SNAP25: variants seen among roughly 807,000 people sequenced by gnomAD.
SNAP25 encodes the protein synaptosomal-associated protein 25.
SNAP25 carries 3 observed loss-of-function variants against 28.7 expected under a neutral mutation model. The ratio of observed to expected loss-of-function variants is 0.10; its 90% CI spans 0.05 to 0.27. The LOEUF is 0.27. SNAP25 is among the 10% of genes least tolerant of loss of function. The pLI, the probability that SNAP25 is intolerant of heterozygous loss-of-function variation, is 1.00. For missense variants in SNAP25, 117 were observed against 278.7 expected (o/e 0.42, Z 4.13); for synonymous variants, 61 against 88.1 (o/e 0.69, Z 1.72).
intron 1 of SNAP25, among the ~76,000 whole-genome samples, chr20:10,237,374 TG>T (rs1364503617): frequency 6.6e-6 from 1 of 152,174 alleles, no homozygotes; most frequent in East Asian, 1.9e-4. Context: ...CACCTCAGAT[TG>T]GAGAAAATCC....
chr20:10,239,447 A>G (rs561907197), intron 1 of SNAP25, among the ~76,000 whole-genome samples: 5 of 152,360 alleles, frequency 3.3e-5, no homozygotes, highest in African/African-American at 4.8e-5. Flanking sequence ...TTGGAACACA[A>G]TTGAATTCTT....
intron 1 of SNAP25, among the ~76,000 whole-genome samples, chr20:10,233,856 T>C (rs2062870144): frequency 6.6e-6 from 1 of 152,198 alleles, no homozygotes; most frequent in Non-Finnish European, 1.5e-5. Context: ...TAGCTTTTTG[T>C]GTATTATTGA....
chr20:10,267,932 T>A (rs1181373943), intron 1 of SNAP25, among the ~76,000 whole-genome samples: 2 of 152,232 alleles, frequency 1.3e-5, no homozygotes, highest in Non-Finnish European at 2.9e-5. Flanking sequence ...ATATGTTTTT[T>A]AAATCACCCA....
intron 1 of SNAP25, among the ~76,000 whole-genome samples, chr20:10,229,319 A>G (rs769706899): frequency 2.6e-5 from 4 of 151,992 alleles, no homozygotes; most frequent in East Asian, 3.9e-4. Flanking sequence ...GTGTTTTTGT[A>G]TGTGCACACA....
intron 1 of SNAP25, among the ~76,000 whole-genome samples, chr20:10,240,965 T>G (rs1241464762): frequency 6.6e-6 from 1 of 152,088 alleles, no homozygotes; most frequent in Non-Finnish European, 1.5e-5. Context: ...GTCCCTGACA[T>G]GAGCTGGAGA....
intron 1 of SNAP25, among the ~76,000 whole-genome samples, chr20:10,238,527 GGGAAT>G: frequency 6.6e-6 from 1 of 152,256 alleles, no homozygotes; most frequent in Non-Finnish European, 1.5e-5. Context: ...AAAATATAAG[GGGAAT>G]GGATGGGTGC....
At chr20:10,266,987 A>T (rs898250699) in intron 1 of SNAP25, among the ~76,000 whole-genome samples, 1 of 152,198 alleles carries the variant, frequency 6.6e-6, no homozygotes, top group Non-Finnish European at 1.5e-5. Flanking sequence ...AAATATTCAC[A>T]GCCATTGGCC....
chr20:10,303,415 T>C (rs1330530273), intron 7 of SNAP25, among the ~76,000 whole-genome samples: 8 of 152,210 alleles, frequency 5.3e-5, no homozygotes, highest in South Asian at 2.1e-4. Context: ...TTCAAAGTTA[T>C]GATTAATCTG....
chr20:10,306,436 G>T lies in SNAP25; in HGVS notation c.*239G>T, dbSNP rs3746544. The T allele has an allele frequency of 0.67, 260,581 of 389,872 alleles. 87,521 individuals are homozygous for T. Among genetic ancestry groups the T allele is most frequent in the East Asian group, 0.74 (18,996 of 25,590 alleles). The allele number at this position is 389,872 out of a possible 1,614,324, so 24.2% of individuals were successfully genotyped here. A position where few individuals can be genotyped will look rare whatever the true frequency, so the allele number is the denominator to read the frequency against. ...TCATTTGGTGGCTCTAACTCCTTGA[G>T]GTCTTGAGTTTCATTTTTCATTTTC... On this transcript the variant is annotated 3_prime_UTR_variant, in exon 8 of 8. Transcript: ENST00000254976.
chr20:10,297,168 T>C, intron 6 of SNAP25, 118 bp downstream of exon 6: 1 of 1,268,758 alleles, frequency 7.9e-7, no homozygotes, highest in Admixed American at 3.3e-5. Context: ...ACATACCTGC[T>C]AAGTGTTCTT....
chr20:10,298,067 G>T (rs12480983), intron 6 of SNAP25, among the ~76,000 whole-genome samples: 2 of 151,678 alleles, frequency 1.3e-5, no homozygotes, highest in Admixed American at 6.6e-5. Context: ...GTAGCCCAAG[G>T]GTTCTCAAGC....
chr20:10,292,526 G>A (rs1568623469), intron 4 of SNAP25, among the ~76,000 whole-genome samples: 1 of 152,130 alleles, frequency 6.6e-6, no homozygotes, highest in Non-Finnish European at 1.5e-5. Flanking sequence ...TTCCTTAGTA[G>A]CGTTAAACTG....
intron 1 of SNAP25, among the ~76,000 whole-genome samples, chr20:10,263,364 G>A (rs1053659449): frequency 6.6e-6 from 1 of 152,096 alleles, no homozygotes; most frequent in Non-Finnish European, 1.5e-5. Flanking sequence ...ACAGAAACAC[G>A]GAGATGACCA....
At chr20:10,282,125 A>G (rs115612837) in intron 3 of SNAP25, among the ~76,000 whole-genome samples, 326 of 148,540 alleles carry the variant, frequency 2.2e-3, no homozygotes, top group African/African-American at 7.9e-3. Context: ...TAGAGGCTCA[A>G]TAAACACTAG....
At chr20:10,220,106 A>C (rs1283950803) in intron 1 of SNAP25, among the ~76,000 whole-genome samples, 1 of 152,174 alleles carries the variant, frequency 6.6e-6, no homozygotes, top group Non-Finnish European at 1.5e-5. Flanking sequence ...TGTATATATG[A>C]AGAAGCCAAT....
chr20:10,278,504 A>G (rs192701227), intron 3 of SNAP25, among the ~76,000 whole-genome samples: 1 of 152,200 alleles, frequency 6.6e-6, no homozygotes, highest in African/African-American at 2.4e-5. Flanking sequence ...GATGAAGTGG[A>G]AAAAGAATGG....
Position 10,304,361 on chromosome 20 carries a change from C to A in SNAP25, c.553-1768C>A, listed in dbSNP as rs540078569. Among the ~76,000 whole-genome samples the A allele has an allele frequency of 7.2e-5, 11 of 152,154 alleles. No homozygotes were observed. In the South Asian group the frequency reaches 2.3e-3, roughly 32 times the overall value. On this transcript the variant is annotated intron_variant, in intron 7 of 7. Coordinates refer to ENST00000254976, the MANE Select transcript of SNAP25 (RefSeq NM_130811.4). Reference sequence around the variant, plus strand: ...CAACATGGAGATTTAGGGTGTCAACCCCCATGCAGCTGAAAATTTTTTGAC... The same window carrying A: ...CAACATGGAGATTTAGGGTGTCAACACCCATGCAGCTGAAAATTTTTTGAC...
intron 1 of SNAP25, among the ~76,000 whole-genome samples, chr20:10,226,163 G>C (rs771802030): frequency 1.3e-5 from 2 of 152,122 alleles, no homozygotes; most frequent in Non-Finnish European, 2.9e-5. Flanking sequence ...CTGGCAGCTA[G>C]GTATAGGTAA....
chr20:10,264,901 G>A lies in SNAP25; in HGVS notation c.-63-10528G>A, dbSNP rs867412622. Among the ~76,000 whole-genome samples the A allele has an allele frequency of 2.7e-5, 4 of 150,602 alleles. No homozygotes were observed. The East Asian group carries it at 7.7e-4, about 29-fold the overall frequency. ...GCAACTAAAAAAGATTTTGATGCAA[G>A]GAGATCTCAGACCATGCTTTTTTTT... is the stretch of plus-strand genomic sequence containing the variant. On this transcript the variant is annotated intron_variant, in intron 1 of 7. Coordinates refer to ENST00000254976, the MANE Select transcript of SNAP25 (RefSeq NM_130811.4).
Sources: gnomAD v4.1 joint callset for allele counts (sites outside exome capture counted in the v4.1 genomes callset) on GRCh38, gnomAD v4.1.1 for gene constraint, MANE v1.5 for transcripts, NCBI Gene and HGNC (gene_info 2026-07-23, HGNC 2026-07-21) for gene names.